PLEKHA8: variants seen among roughly 807,000 people sequenced by gnomAD.
PLEKHA8 encodes the protein pleckstrin homology domain-containing family A member 8.
PLEKHA8 carries 36 observed loss-of-function variants against 68.2 expected under a neutral mutation model. The ratio of observed to expected loss-of-function variants is 0.53; its 90% CI spans 0.40 to 0.70. PLEKHA8 has a LOEUF of 0.70. PLEKHA8 is among the 30% of genes least tolerant of loss of function. The pLI, the probability that PLEKHA8 is intolerant of heterozygous loss-of-function variation, is 0.00. For missense variants in PLEKHA8, 505 were observed against 615.4 expected (o/e 0.82, Z 1.90); for synonymous variants, 211 against 216.1 (o/e 0.98, Z 0.20).
Position 30,080,018 on chromosome 7 carries a change from C to G in PLEKHA8, c.*1231C>G. 1.0e-6 allele frequency: 1 copy of G among 985,152 alleles called. No individual in the cohort carries two copies. The highest frequency in any genetic ancestry group is 1.2e-6 in the Non-Finnish European group (1 of 829,890). The allele number at this position is 985,152 out of a possible 1,614,324, so 61.0% of individuals were successfully genotyped here. On this transcript the variant is annotated 3_prime_UTR_variant, in exon 14 of 14. Coordinates refer to ENST00000449726, the MANE Select transcript of PLEKHA8 (RefSeq NM_001197026.2). ...AATTGAGCCAGCATTGACACCCAGC[C>G]AGCAGGCCTTTGCATTGCATTCGGG... is the stretch of plus-strand genomic sequence containing the variant.
chr7:30,129,625 G>A, downstream of PLEKHA8: 1 of 302,970 alleles, frequency 3.3e-6, no homozygotes, highest in Non-Finnish European at 6.2e-6. Context: ...AAGAACTTTG[G>A]GTATATAGTC....
intron 12 of PLEKHA8, among the ~76,000 whole-genome samples, chr7:30,072,646 A>T (rs1254794437): frequency 1.3e-5 from 2 of 152,218 alleles, no homozygotes; most frequent in Non-Finnish European, 2.9e-5. Flanking sequence ...GTGTCTGTTT[A>T]TCTGTTATTT....
chr7:30,123,464 C>T (rs1796724552), intron 13 of PLEKHA8, among the ~76,000 whole-genome samples: 1 of 152,168 alleles, frequency 6.6e-6, no homozygotes, highest in Admixed American at 6.5e-5. Flanking sequence ...GATCCCCGTC[C>T]TCAAACACAG....
rs189939045 is a variant in PLEKHA8 at position 30,084,414 on chromosome 7, T to G, written c.*5627T>G. The G allele has an allele frequency of 2.0e-6, 2 of 985,372 alleles. No homozygotes were observed. Among genetic ancestry groups the G allele is most frequent in the Admixed American group, 6.1e-5 (1 of 16,276 alleles). The allele number at this position is 985,372 out of a possible 1,614,324, so 61.0% of individuals were successfully genotyped here. A position where few individuals can be genotyped will look rare whatever the true frequency, so the allele number is the denominator to read the frequency against. ...TAAACTATAAAAGTGTCAAGTGGCT[T>G]GTTAACTTCTTAATTTAATGGACCT... On this transcript the variant is annotated 3_prime_UTR_variant, in exon 14 of 14. Coordinates refer to ENST00000449726, the MANE Select transcript of PLEKHA8 (RefSeq NM_001197026.2).
intron 13 of PLEKHA8, among the ~76,000 whole-genome samples, chr7:30,114,472 C>T (rs988019933): frequency 6.6e-6 from 1 of 152,226 alleles, no homozygotes; most frequent in Non-Finnish European, 1.5e-5. Flanking sequence ...TACCGTGCAA[C>T]AGTGCCTCTC....
chr7:30,093,331 A>G (rs931233563), downstream of PLEKHA8, among the ~76,000 whole-genome samples: 3 of 152,222 alleles, frequency 2.0e-5, no homozygotes, highest in Non-Finnish European at 4.4e-5. Context: ...TGTGAAGTGG[A>G]CACTATTATT....
intron 3 of PLEKHA8, 32 bp downstream of exon 3, chr7:30,046,397 CTTG>C (rs1791966602): frequency 1.9e-5 from 29 of 1,535,220 alleles, no homozygotes; most frequent in Non-Finnish European, 2.5e-5. Flanking sequence ...CTGTGGAAAC[CTTG>C]GGAATCACCC....
At chr7:30,034,616 G>C (rs904720813) in intron 1 of PLEKHA8, among the ~76,000 whole-genome samples, 1 of 152,162 alleles carries the variant, frequency 6.6e-6, no homozygotes, top group Admixed American at 6.5e-5. Flanking sequence ...TTCATTAAGT[G>C]GAAGTGGGTC....
chr7:30,081,605 G>A lies in PLEKHA8; in HGVS notation c.*2818G>A, dbSNP rs1794932542. 2 of 985,154 alleles carry A rather than the reference G, an allele frequency of 2.0e-6. No individual in the cohort carries two copies. The highest frequency in any genetic ancestry group is 2.4e-6 in the Non-Finnish European group (2 of 829,806). The allele number at this position is 985,154 out of a possible 1,614,324, so 61.0% of individuals were successfully genotyped here. On this transcript the variant is annotated 3_prime_UTR_variant, in exon 14 of 14. Transcript: ENST00000449726. ...AACTAAATTTACTTTCACCATTACT[G>A]TGAGAGGAGGTGAGAAAACTCTAGT...
chr7:30,096,006 G>A (rs1368910677), intron 13 of PLEKHA8, among the ~76,000 whole-genome samples: 2 of 152,092 alleles, frequency 1.3e-5, no homozygotes, highest in African/African-American at 2.4e-5. Flanking sequence ...TTGGCAATGC[G>A]GGCTCTTTTT....
chr7:30,057,524 C>G (rs960214184), intron 9 of PLEKHA8, among the ~76,000 whole-genome samples: 1 of 151,320 alleles, frequency 6.6e-6, no homozygotes, highest in East Asian at 1.9e-4. Context: ...GTGGCACAAT[C>G]TTGGCTCACT....
intron 1 of PLEKHA8, 123 bp from the exon 2 acceptor site, chr7:30,044,962 C>A: frequency 1.8e-6 from 1 of 558,938 alleles, no homozygotes; most frequent in Non-Finnish European, 3.1e-6. Context: ...CTTAGAATAT[C>A]CCTGGCAATG....
At chr7:30,051,257 G>T (rs1319995222) in intron 6 of PLEKHA8, among the ~76,000 whole-genome samples, 1 of 152,110 alleles carries the variant, frequency 6.6e-6, no homozygotes, top group Non-Finnish European at 1.5e-5. Context: ...TTATTACAAG[G>T]ATTGTTCCCA....
chr7:30,034,504 CAT>C (rs912712685), intron 1 of PLEKHA8, among the ~76,000 whole-genome samples: 8 of 152,278 alleles, frequency 5.3e-5, no homozygotes, highest in South Asian at 2.1e-4. Context: ...ACAATTAACA[CAT>C]ATGTTATGTC....
chr7:30,073,471 T>A (rs1365185996), intron 12 of PLEKHA8, among the ~76,000 whole-genome samples: 2 of 151,854 alleles, frequency 1.3e-5, no homozygotes, highest in African/African-American at 4.8e-5. Context: ...CTTTGTTTCT[T>A]TATATGTATT....
At chr7:30,102,163 G>A (rs982358904) in intron 13 of PLEKHA8, among the ~76,000 whole-genome samples, 1 of 152,124 alleles carries the variant, frequency 6.6e-6, no homozygotes, top group South Asian at 2.1e-4. Flanking sequence ...CATACAGATG[G>A]CCAATAAGCA....
In PLEKHA8 at chr7:30,079,147, A is replaced by G. The variant is rs1794795721; in HGVS notation, c.*360A>G. 1 of 1,020,144 alleles carries G rather than the reference A, an allele frequency of 9.8e-7. No individual in the cohort carries two copies. Among genetic ancestry groups the G allele is most frequent in the Non-Finnish European group, 1.2e-6 (1 of 851,568 alleles). 63.2% of individuals were successfully genotyped at this position (1,020,144 alleles called of 1,614,324 possible). A position where few individuals can be genotyped will look rare whatever the true frequency, so the allele number is the denominator to read the frequency against. On this transcript the variant is annotated 3_prime_UTR_variant, in exon 14 of 14. Coordinates refer to ENST00000449726, the MANE Select transcript of PLEKHA8 (RefSeq NM_001197026.2). Reference sequence around the variant, plus strand: ...CCAAACCCAAGCTGAAAATCAGCAAATTCCATATTAAGTACCATAATTCAT... The same window carrying G: ...CCAAACCCAAGCTGAAAATCAGCAAGTTCCATATTAAGTACCATAATTCAT...
At chr7:30,042,936 G>A (rs780039583) in intron 1 of PLEKHA8, among the ~76,000 whole-genome samples, 1 of 152,218 alleles carries the variant, frequency 6.6e-6, no homozygotes, top group Non-Finnish European at 1.5e-5. Flanking sequence ...TGTAATGTTT[G>A]TACAGGAGTG....
At chr7:30,074,402 T>C (rs1794480758) in intron 13 of PLEKHA8, among the ~76,000 whole-genome samples, 1 of 152,188 alleles carries the variant, frequency 6.6e-6, no homozygotes, top group African/African-American at 2.4e-5. Context: ...GCAAAGACTG[T>C]TAAAGAAATA....
Sources: allele counts gnomAD v4.1 joint callset (sites outside exome capture counted in the v4.1 genomes callset), GRCh38; gene constraint gnomAD v4.1.1; transcripts MANE v1.5; gene names NCBI Gene and HGNC (gene_info 2026-07-23, HGNC 2026-07-21).